Variants in CGRRF1 observed in about 807,000 individuals in gnomAD.
CGRRF1 encodes the protein cell growth regulator with ring finger domain 1.
Under a neutral mutation model 37.2 loss-of-function variants are expected in CGRRF1, and 32 were observed. The observed-to-expected ratio is 0.86, with a 90% CI of 0.65 to 1.16. The LOEUF (loss-of-function observed/expected upper bound fraction) is 1.16. CGRRF1 is among the 50% of genes most tolerant of loss of function. The pLI is 0.00. For synonymous variants in CGRRF1, 141 were observed against 140.3 expected (o/e 1.00, Z -0.04); for missense variants, 391 against 382.6 (o/e 1.02, Z -0.18).
chr14:54,530,143 G>T lies in CGRRF1; in HGVS notation c.339G>T (p.Lys113Asn), dbSNP rs1223216410. The T allele has an allele frequency of 8.7e-6, 14 of 1,613,384 alleles. No homozygotes were observed. The highest frequency in any genetic ancestry group is 1.2e-5 in the Non-Finnish European group (14 of 1,179,520). The change falls in exon 3 of 6, where the codon AAG becomes AAT. Residue 113 changes from lysine to asparagine, a missense_variant. Physicochemically the swap from Lys to Asn is moderately conservative, Grantham distance 94. Coordinates refer to ENST00000216420, the MANE Select transcript of CGRRF1 (RefSeq NM_006568.3). ...AAAAATTATATGAAGCTCTGCAGAA[G>T]CATGTTTATTGCTTCAGAATAAGCA... The part of the protein sequence containing the change: ...SVQKLYEALQ[K>N]HVYCFRISTP...
In CGRRF1 at chr14:54,514,484, G is replaced by C. The variant is rs553228486; in HGVS notation, c.104+4421G>C. ...ATTTAGGTTCAGAGGTACATGTGAA[G>C]GTTTGTTACATAGGTAAACTCGTGT... On this transcript the variant is annotated intron_variant, in intron 1 of 5. Transcript: ENST00000216420. Among the ~76,000 whole-genome samples, 269 of 152,302 alleles carry C rather than the reference G, an allele frequency of 1.8e-3. 1 individual carries two copies. The highest frequency in any genetic ancestry group is 3.4e-3 in the Non-Finnish European group (230 of 68,030).
intron 2 of CGRRF1, among the ~76,000 whole-genome samples, chr14:54,527,887 C>T (rs1020497370): frequency 2.0e-5 from 3 of 151,906 alleles, no homozygotes; most frequent in South Asian, 2.1e-4. Flanking sequence ...ACCACGGGTG[C>T]GTGCCACCAT....
At chr14:54,519,044 G>C (rs2032267478) in intron 1 of CGRRF1, among the ~76,000 whole-genome samples, 1 of 152,062 alleles carries the variant, frequency 6.6e-6, no homozygotes, top group South Asian at 2.1e-4. Context: ...CTGGGTTCAA[G>C]CAATTCTCCT....
intron 3 of CGRRF1, 66 bp from the exon 4 acceptor site, chr14:54,530,837 G>T: frequency 8.0e-7 from 1 of 1,253,166 alleles, no homozygotes; most frequent in South Asian, 1.3e-5. Context: ...CTAACTTATT[G>T]ATCATTTTTG....
intron 1 of CGRRF1, among the ~76,000 whole-genome samples, chr14:54,516,773 T>G (rs1347821587): frequency 5.9e-5 from 9 of 152,184 alleles, no homozygotes; most frequent in Non-Finnish European, 1.3e-4. Context: ...CAAACTTCAG[T>G]GATATGTTAA....
chr14:54,510,829 C>T lies in CGRRF1; in HGVS notation c.104+766C>T, dbSNP rs145712066. 1.0e-3 allele frequency among the ~76,000 whole-genome samples: 157 copies of T among 152,218 alleles called. 1 individual carries two copies. Among genetic ancestry groups the T allele is most frequent in the African/African-American group, 3.6e-3 (150 of 41,530 alleles). ...AGCCTTGTAAATAACGAGTTGAAAC[C>T]GTGTAACTAGCCCACAACAGTTTTT... On this transcript the variant is annotated intron_variant, in intron 1 of 5. Coordinates refer to ENST00000216420, the MANE Select transcript of CGRRF1 (RefSeq NM_006568.3).
chr14:54,537,818 C>T lies in CGRRF1; in HGVS notation c.667C>T (p.His223Tyr). 6.2e-7 allele frequency: 1 copy of T among 1,602,690 alleles called. No homozygotes were observed. The highest frequency in any genetic ancestry group is 8.5e-7 in the Non-Finnish European group (1 of 1,177,266). ...QYLLLAQGQF[H>Y]DLKQLFMSAN... is the part of the protein sequence containing the mutation. ...TTTACTCTTGGCTCAAGGTCAATTTCATGATCTTAAGGTAAGCCGTACTCT... is the reference window on the plus strand; with the variant it reads ...TTTACTCTTGGCTCAAGGTCAATTTTATGATCTTAAGGTAAGCCGTACTCT... Residue 223 changes from histidine to tyrosine, a missense_variant, in exon 5 of 6, where the codon CAT becomes TAT. Physicochemically the swap from His to Tyr is moderately conservative, Grantham distance 83 (BLOSUM62 2). Transcript: ENST00000216420.
chr14:54,514,274 G>A (rs1333424981), intron 1 of CGRRF1, among the ~76,000 whole-genome samples: 2 of 152,028 alleles, frequency 1.3e-5, no homozygotes, highest in Admixed American at 6.5e-5. Flanking sequence ...TATATGTGAG[G>A]ATGGATTGTA....
At chr14:54,514,366 G>C (rs556897309) in intron 1 of CGRRF1, among the ~76,000 whole-genome samples, 36 of 152,254 alleles carry the variant, frequency 2.4e-4, no homozygotes, top group African/African-American at 8.4e-4. Flanking sequence ...CATCTAAAGC[G>C]TTAACTCATA....
intron 2 of CGRRF1, among the ~76,000 whole-genome samples, chr14:54,524,009 G>T (rs931548288): frequency 1.3e-5 from 2 of 152,160 alleles, no homozygotes; most frequent in African/African-American, 4.8e-5. Context: ...CTTAGAAGCT[G>T]TTTGCATTTT....
chr14:54,509,975 C>T lies in CGRRF1; in HGVS notation c.16C>T (p.Leu6=), dbSNP rs756535378. 6 of 1,613,546 alleles carry T rather than the reference C, an allele frequency of 3.7e-6. No homozygotes were observed. In the South Asian group the frequency reaches 6.6e-5, roughly 18 times the overall value. The stretch of plus-strand genomic sequence containing the variant: ...CAAGACCCTGATGGCTGCGGTGTTT[C>T]TGGTAACGCTTTATGAATACTCGCC... MAAVF[L]VTLYEYSPLF... The change falls in exon 1 of 6, where the codon CTG becomes TTG. Residue 6 remains leucine, a synonymous_variant. Transcript: ENST00000216420.
Position 54,538,090 on chromosome 14 carries a change from T to C in CGRRF1, c.706T>C (p.Phe236Leu). 1 of 1,610,348 alleles carries C rather than the reference T, an allele frequency of 6.2e-7. No homozygotes were observed. Among genetic ancestry groups the C allele is most frequent in the Non-Finnish European group, 8.5e-7 (1 of 1,178,878 alleles). The stretch of plus-strand genomic sequence containing the variant: ...ACTTTTCATGTCTGCAAATAATAAT[T>C]TCACTCCCTCCAACAATTCCTCTTC... ...KQLFMSANNNFTPSNNSSSEE... is the reference protein window; with the variant it reads ...KQLFMSANNNLTPSNNSSSEE... Residue 236 changes from phenylalanine (F) to leucine (L), a missense_variant, in exon 6 of 6, where the codon TTC becomes CTC. Transcript: ENST00000216420.
Position 54,538,316 on chromosome 14 carries a change from T to G in CGRRF1, c.932T>G (p.Phe311Cys). 1 of 1,614,120 alleles carries G rather than the reference T, an allele frequency of 6.2e-7. No homozygotes were observed. The highest frequency in any genetic ancestry group is 1.1e-5 in the South Asian group (1 of 91,084). Residue 311 changes from phenylalanine to cysteine, a missense_variant, in exon 6 of 6, where the codon TTT becomes TGT. By Grantham distance (205) the Phe-to-Cys change is radical. Transcript: ENST00000216420. ...YFQQCPMCRQ[F>C]VQESFALCSQ... ...CAGCAGTGCCCAATGTGCAGGCAGTTTGTTCAGGAATCTTTTGCACTTTGC... is the reference window on the plus strand; with the variant it reads ...CAGCAGTGCCCAATGTGCAGGCAGTGTGTTCAGGAATCTTTTGCACTTTGC...
At chr14:54,521,033 A>C (rs1439444349) in intron 1 of CGRRF1, among the ~76,000 whole-genome samples, 2 of 152,070 alleles carry the variant, frequency 1.3e-5, no homozygotes, top group Non-Finnish European at 2.9e-5. Context: ...TTTTAATTTT[A>C]TTGGGAATTG....
At position 54,534,958 on chromosome 14, in the gene CGRRF1, G is replaced by C. The variant is rs182850369; in HGVS notation, c.571-2764G>C. ...GGTCTCAAACTCCTGAGCTCAAGCA[G>C]TACTCCCACTGTGATCTCCCAAAGG... On this transcript the variant is annotated intron_variant, in intron 4 of 5. Coordinates refer to ENST00000216420, the MANE Select transcript of CGRRF1 (RefSeq NM_006568.3). 7.9e-5 allele frequency among the ~76,000 whole-genome samples: 12 copies of C among 152,214 alleles called. 1 individual carries two copies. In the East Asian group the frequency reaches 1.7e-3, roughly 22 times the overall value.
intron 4 of CGRRF1, chr14:54,536,197 C>T (rs1015403466): frequency 6.6e-6 from 1 of 151,764 alleles, no homozygotes; most frequent in East Asian, 1.9e-4. Context: ...TTGTACTTTG[C>T]TCTTTTTCAT....
chr14:54,517,407 C>A (rs987127036), intron 1 of CGRRF1, among the ~76,000 whole-genome samples: 20 of 152,244 alleles, frequency 1.3e-4, no homozygotes, highest in Middle Eastern at 3.4e-3. Flanking sequence ...AAATCAGAGT[C>A]ATCAAAAGTG....
intron 4 of CGRRF1, among the ~76,000 whole-genome samples, chr14:54,533,161 T>A (rs1026679799): frequency 1.3e-5 from 2 of 151,676 alleles, no homozygotes; most frequent in African/African-American, 4.8e-5. Flanking sequence ...TGTGGTAAAA[T>A]ATATATATTT....
chr14:54,510,287 C>CTTGGGGTGGTACCGCA (rs2032108844), intron 1 of CGRRF1: 3 of 567,320 alleles, frequency 5.3e-6, no homozygotes, highest in Non-Finnish European at 9.4e-6. Flanking sequence ...GCTGGGGCAT[C>CTTGGGGTGGTACCGCA]TTGGGGTGGT....
Sources: gnomAD v4.1 joint callset for allele counts (sites outside exome capture counted in the v4.1 genomes callset) on GRCh38, gnomAD v4.1.1 for gene constraint, MANE v1.5 for transcripts, NCBI Gene and HGNC (gene_info 2026-07-23, HGNC 2026-07-21) for gene names.